GRIN2A: variants seen among roughly 807,000 people sequenced by gnomAD.
GRIN2A encodes the protein glutamate ionotropic receptor NMDA type subunit 2A.
GRIN2A carries 22 observed loss-of-function variants against 113.4 expected under a neutral mutation model. The ratio of observed to expected loss-of-function variants is 0.19; its 90% CI spans 0.14 to 0.28. The LOEUF (loss-of-function observed/expected upper bound fraction) is 0.28. GRIN2A is among the 10% of genes least tolerant of loss of function. The pLI is 1.00. For missense variants in GRIN2A, 1,502 were observed against 1,887.0 expected, an observed-to-expected ratio of 0.80 and a Z score of 3.78; for synonymous variants, 827 against 738.4, an observed-to-expected ratio of 1.12 and a Z score of -1.94.
intron 2 of GRIN2A, among the ~76,000 whole-genome samples, chr16:10,062,172 T>A (rs570951516): frequency 5.3e-5 from 8 of 152,262 alleles, no homozygotes; most frequent in African/African-American, 1.9e-4. Context: ...ATTGCGAGTA[T>A]CCACTTCTAC....
At chr16:10,051,223 T>C (rs549582044) in intron 2 of GRIN2A, among the ~76,000 whole-genome samples, 1 of 152,284 alleles carries the variant, frequency 6.6e-6, no homozygotes, top group Admixed American at 6.5e-5. Flanking sequence ...CACCCTGCAA[T>C]CTCTTCAGCA....
rs1334751880 is a variant in GRIN2A, at chr16:9,838,724, G to A, written c.1651+1923C>T. On this transcript the variant is annotated intron_variant, in intron 7 of 12. Transcript: ENST00000330684. Reference sequence around the variant, plus strand: ...TTCCACAGTGTCAAGACCAGTATCTGAATATGTGATCTTATTTTTTTAGCA... The same window carrying A: ...TTCCACAGTGTCAAGACCAGTATCTAAATATGTGATCTTATTTTTTTAGCA... Among the ~76,000 whole-genome samples the A allele has an allele frequency of 2.6e-5, 4 of 152,292 alleles. No homozygotes were observed. In the East Asian group the frequency reaches 5.8e-4, roughly 22 times the overall value.
Position 9,911,308 on chromosome 16 carries a change from G to C in GRIN2A, c.1008-20208C>G, listed in dbSNP as rs565194901. ...TTGAGACCAGCTTGGGTAACATAGA[G>C]AGATGCTCGTCTCTAAAATAAACAA... is the stretch of plus-strand genomic sequence containing the variant. On this transcript the variant is annotated intron_variant, in intron 3 of 12. Transcript: ENST00000330684. 2.0e-5 allele frequency among the ~76,000 whole-genome samples: 3 copies of C among 152,276 alleles called. No homozygotes were observed. The South Asian group carries it at 6.2e-4, about 32-fold the overall frequency.
At chr16:10,112,990 C>T (rs559563050) in intron 2 of GRIN2A, 10 of 320,344 alleles carry the variant, frequency 3.1e-5, no homozygotes, top group South Asian at 2.9e-4. Flanking sequence ...ACTACGGGTT[C>T]CCCAGCTCCT....
At chr16:10,040,480 G>C (rs943730911) in intron 2 of GRIN2A, among the ~76,000 whole-genome samples, 3 of 141,328 alleles carry the variant, frequency 2.1e-5, no homozygotes, top group Non-Finnish European at 4.6e-5. Context: ...ACAAATACAT[G>C]AACACACATT....
At chr16:9,993,662 T>C (rs2046169789) in intron 2 of GRIN2A, among the ~76,000 whole-genome samples, 1 of 152,208 alleles carries the variant, frequency 6.6e-6, no homozygotes, top group Non-Finnish European at 1.5e-5. Context: ...GCTTCCCTCC[T>C]ACATTGCAGG....
intron 2 of GRIN2A, among the ~76,000 whole-genome samples, chr16:10,163,446 C>G (rs1049957016): frequency 3.3e-5 from 5 of 152,156 alleles, no homozygotes; most frequent in African/African-American, 1.2e-4. Flanking sequence ...CTAAACAGTT[C>G]CCTGAGAAAA....
intron 10 of GRIN2A, among the ~76,000 whole-genome samples, chr16:9,813,137 T>C (rs1351759135): frequency 1.3e-5 from 2 of 152,244 alleles, no homozygotes; most frequent in African/African-American, 4.8e-5. Context: ...TACCCTTCAG[T>C]GCTAGTTAAG....
chr16:10,120,944 T>A (rs182083685), intron 2 of GRIN2A, among the ~76,000 whole-genome samples: 17 of 152,270 alleles, frequency 1.1e-4, no homozygotes, highest in Admixed American at 1.1e-3. Flanking sequence ...CATTGTGGCA[T>A]CTTTTCAGCC....
intron 10 of GRIN2A, among the ~76,000 whole-genome samples, chr16:9,800,630 A>G (rs1175529294): frequency 6.6e-6 from 1 of 152,086 alleles, no homozygotes; most frequent in East Asian, 1.9e-4. Flanking sequence ...GAGGTGGCGC[A>G]AAACTGTAGG....
chr16:9,885,612 G>T (rs765808561), intron 4 of GRIN2A, among the ~76,000 whole-genome samples: 18 of 152,154 alleles, frequency 1.2e-4, no homozygotes, highest in Non-Finnish European at 2.9e-5. Flanking sequence ...TTTCAGTGAC[G>T]CCACTGGCTG....
chr16:9,837,910 A>T (rs192190634), intron 7 of GRIN2A, among the ~76,000 whole-genome samples: 4 of 152,322 alleles, frequency 2.6e-5, no homozygotes, highest in Non-Finnish European at 5.9e-5. Flanking sequence ...AACGAGTGCA[A>T]AATCAAATCC....
intron 2 of GRIN2A, among the ~76,000 whole-genome samples, chr16:10,031,806 C>G (rs2046934371): frequency 6.6e-6 from 1 of 152,350 alleles, no homozygotes; most frequent in African/African-American, 2.4e-5. Flanking sequence ...CAGCACGGTT[C>G]TGCTCTGACC....
chr16:9,763,106 A>G lies in GRIN2A; in HGVS notation c.*43T>C. 6.3e-7 allele frequency: 1 copy of G among 1,585,666 alleles called. No homozygotes were observed. Among genetic ancestry groups the G allele is most frequent in the East Asian group, 2.2e-5 (1 of 44,734 alleles). ...ACATTTACCCTCCAGAACATTGGCC[A>G]TTACGTATATTTCCCTATAGATAAA... On this transcript the variant is annotated 3_prime_UTR_variant, in exon 13 of 13. Transcript: ENST00000330684.
intron 2 of GRIN2A, among the ~76,000 whole-genome samples, chr16:10,088,837 A>G (rs907917411): frequency 6.6e-6 from 1 of 152,234 alleles, no homozygotes; most frequent in Non-Finnish European, 1.5e-5. Context: ...AAGATAAGTC[A>G]GCACTCTTGT....
chr16:9,928,029 A>G (rs2044502785), intron 3 of GRIN2A, among the ~76,000 whole-genome samples: 1 of 152,144 alleles, frequency 6.6e-6, no homozygotes, highest in African/African-American at 2.4e-5. Context: ...CATTTACCCA[A>G]CTTTGAGGCC....
At position 10,180,186 on chromosome 16, in the gene GRIN2A, G is replaced by A. The variant is rs1236030143; in HGVS notation, c.226C>T (p.Arg76Cys). The A allele has an allele frequency of 1.2e-6, 2 of 1,614,064 alleles. No homozygotes were observed. Among genetic ancestry groups the A allele is most frequent in the East Asian group, 2.2e-5 (1 of 44,882 alleles). ...DVNVVALLMNRTDPKSLITHV... is the reference protein window; with the variant it reads ...DVNVVALLMNCTDPKSLITHV... ...GTGATGAGGCTCTTGGGGTCGGTGC[G>A]GTTCATCAGCAGAGCTACCACGTTC... Residue 76 changes from arginine to cysteine, a missense_variant, in exon 2 of 13, where the codon CGC becomes TGC. This residue lies in a region of GRIN2A where 149 missense variants were observed against 179.1 expected (regional missense o/e 0.83). Coordinates refer to ENST00000330684, the MANE Select transcript of GRIN2A (RefSeq NM_001134407.3). The surrounding 1 kb of genome is among the most constrained non-coding windows in gnomAD (Gnocchi z 7.0).
At chr16:10,119,828 T>C (rs1329755221) in intron 2 of GRIN2A, among the ~76,000 whole-genome samples, 2 of 152,150 alleles carry the variant, frequency 1.3e-5, no homozygotes, top group African/African-American at 2.4e-5. Context: ...AGTAAGAACA[T>C]GTAGTATTTG....
At chr16:9,831,803 A>T (rs1476315332) in intron 8 of GRIN2A, among the ~76,000 whole-genome samples, 1 of 152,108 alleles carries the variant, frequency 6.6e-6, no homozygotes, top group Non-Finnish European at 1.5e-5. Flanking sequence ...GGCATGAGCC[A>T]CCGTGCCTGG....
Sources: allele counts gnomAD v4.1 joint callset (sites outside exome capture counted in the v4.1 genomes callset), GRCh38; gene constraint gnomAD v4.1.1; regional missense constraint gnomAD v4.1.1; non-coding constraint Gnocchi (gnomAD v3.1); transcripts MANE v1.5; gene names NCBI Gene and HGNC (gene_info 2026-07-23, HGNC 2026-07-21).